Variants in SDK1 observed in about 807,000 individuals in gnomAD.
The protein encoded by SDK1 is sidekick cell adhesion molecule 1.
In SDK1, 157 loss-of-function variants were observed where a neutral mutation model predicts 245.5. That is an observed-to-expected ratio of 0.64 (90% CI 0.56 to 0.73). The LOEUF is 0.73. SDK1 is among the 30% of genes least tolerant of loss of function. SDK1 has a pLI of 0.00. For synonymous variants in SDK1, 1,647 were observed against 1,278.5 expected (o/e 1.29, Z -6.15); for missense variants, 3,583 against 3,002.3 (o/e 1.19, Z -4.52).
At position 3,687,956 on chromosome 7, in the gene SDK1, A is replaced by C. The variant is rs535343462; in HGVS notation, c.713+45851A>C. Among the ~76,000 whole-genome samples, 25 of 152,196 alleles carry C rather than the reference A, an allele frequency of 1.6e-4. No individual in the cohort carries two copies. The South Asian group carries it at 4.2e-3, about 25-fold the overall frequency. ...TTATCTCAAGAGCTTAGAGTAAGGG[A>C]ATGAGAGGAGAAACATGGCACCCTC... On this transcript the variant is annotated intron_variant, in intron 4 of 44. Coordinates refer to ENST00000404826, the MANE Select transcript of SDK1 (RefSeq NM_152744.4).
At chr7:3,651,938 G>A (rs1247365737) in intron 4 of SDK1, among the ~76,000 whole-genome samples, 3 of 152,080 alleles carry the variant, frequency 2.0e-5, no homozygotes, top group South Asian at 2.1e-4. Context: ...GAGACAGGAC[G>A]GTATTTTCAG....
intron 4 of SDK1, among the ~76,000 whole-genome samples, chr7:3,798,316 C>T (rs1239090127): frequency 6.8e-6 from 1 of 147,030 alleles, no homozygotes; most frequent in African/African-American, 2.5e-5. Context: ...CTCCTGGGTT[C>T]ACACCATTCT....
At chr7:3,776,996 C>T (rs966646035) in intron 4 of SDK1, among the ~76,000 whole-genome samples, 3 of 152,208 alleles carry the variant, frequency 2.0e-5, no homozygotes, top group African/African-American at 4.8e-5. Context: ...CACTTGCTCA[C>T]GTTCACCTCT....
intron 5 of SDK1, among the ~76,000 whole-genome samples, chr7:3,917,315 G>T (rs909959930): frequency 6.6e-6 from 1 of 152,186 alleles, no homozygotes; most frequent in Non-Finnish European, 1.5e-5. Flanking sequence ...TCTGTGTTCT[G>T]TTGGTAGTTA....
At chr7:4,261,034 G>A (rs1432324295) in intron 44 of SDK1, among the ~76,000 whole-genome samples, 1 of 152,154 alleles carries the variant, frequency 6.6e-6, no homozygotes, top group Non-Finnish European at 1.5e-5. Flanking sequence ...CCAAATCTGT[G>A]ACTCGCTGTT....
At chr7:3,319,401 C>T (rs1418172862) in intron 1 of SDK1, among the ~76,000 whole-genome samples, 2 of 152,158 alleles carry the variant, frequency 1.3e-5, no homozygotes, top group South Asian at 2.1e-4. Context: ...GGGCTTAGAC[C>T]GGTGGCCCTC....
rs1434968669 is a variant in SDK1, at chr7:3,505,004, C to G, written c.299-114076C>G. Among the ~76,000 whole-genome samples, 4 of 152,198 alleles carry G rather than the reference C, an allele frequency of 2.6e-5. 1 individual carries two copies. The East Asian group carries it at 7.7e-4, about 29-fold the overall frequency. On this transcript the variant is annotated intron_variant, in intron 1 of 44. Coordinates refer to ENST00000404826, the MANE Select transcript of SDK1 (RefSeq NM_152744.4). ...TCAGTAAACAAAATATATAAAATGC[C>G]CAGTGGTGATACAACTCCTGATGTT...
At chr7:3,748,450 T>C (rs148776478) in intron 4 of SDK1, among the ~76,000 whole-genome samples, 3 of 152,348 alleles carry the variant, frequency 2.0e-5, no homozygotes, top group African/African-American at 7.2e-5. Flanking sequence ...CTGAAAAATA[T>C]CCATTAAATG....
chr7:3,537,839 A>G (rs1160799440), intron 1 of SDK1, among the ~76,000 whole-genome samples: 1 of 152,194 alleles, frequency 6.6e-6, no homozygotes, highest in Admixed American at 6.5e-5. Context: ...GTGTTCAGGA[A>G]GCAGAGTTGG....
intron 4 of SDK1, among the ~76,000 whole-genome samples, chr7:3,781,056 T>C (rs1470022490): frequency 6.6e-6 from 1 of 151,772 alleles, no homozygotes; most frequent in Admixed American, 6.6e-5. Flanking sequence ...GTCACTCAAC[T>C]CAGTCAAAAG....
At chr7:3,303,140 TAACTCCTCCATTACTTGGAA>T (rs1779325758) in intron 1 of SDK1, among the ~76,000 whole-genome samples, 1 of 152,234 alleles carries the variant, frequency 6.6e-6, no homozygotes, top group South Asian at 2.1e-4. Context: ...CTGGTTAATT[TAACTCCTCCATTACTTGGAA>T]AATTTTCATT....
intron 1 of SDK1, among the ~76,000 whole-genome samples, chr7:3,503,955 A>C (rs1043631975): frequency 5.3e-5 from 8 of 151,796 alleles, no homozygotes; most frequent in Non-Finnish European, 1.0e-4. Context: ...TTTGAGACCA[A>C]CTTGACCAAC....
rs71552309 is a variant in SDK1, at chr7:3,485,683, G to GTTTTTT, written c.299-133380_299-133375dup. 3.9e-3 allele frequency among the ~76,000 whole-genome samples: 148 copies of GTTTTTT among 38,166 alleles called. 25 individuals are homozygous for GTTTTTT. The highest frequency in any genetic ancestry group is 0.042 in the Middle Eastern group (2 of 48). The allele number at this position is 38,166 out of a possible 152,430, so 25.0% of individuals were successfully genotyped here. ...GTGCTGAGGGGATGATCTTTGGAGG[G>GTTTTTT]TTTTTTTTTTTTTTTTTTTTTTGAG... On this transcript the variant is annotated intron_variant, in intron 1 of 44. Coordinates refer to ENST00000404826, the MANE Select transcript of SDK1 (RefSeq NM_152744.4).
At chr7:3,534,299 G>A (rs1408898347) in intron 1 of SDK1, among the ~76,000 whole-genome samples, 3 of 152,062 alleles carry the variant, frequency 2.0e-5, no homozygotes, top group Admixed American at 6.5e-5. Flanking sequence ...CTGTCACCAG[G>A]CATTTAGGTG....
intron 35 of SDK1, among the ~76,000 whole-genome samples, chr7:4,198,295 C>T (rs1446736600): frequency 2.0e-5 from 3 of 152,210 alleles, no homozygotes; most frequent in Non-Finnish European, 4.4e-5. Context: ...ACTGCCAGTT[C>T]CCACTGCACC....
chr7:4,135,517 A>G (rs1306731595), intron 28 of SDK1, among the ~76,000 whole-genome samples: 1 of 152,240 alleles, frequency 6.6e-6, no homozygotes, highest in African/African-American at 2.4e-5. Context: ...GATGGCACGA[A>G]CCTTGGGGCT....
intron 26 of SDK1, among the ~76,000 whole-genome samples, chr7:4,128,096 G>A (rs888399026): frequency 1.4e-4 from 22 of 152,068 alleles, no homozygotes; most frequent in Admixed American, 4.6e-4. Flanking sequence ...TCTGTTCCTC[G>A]TTCCATCACT....
At chr7:3,750,162 G>T (rs953851618) in intron 4 of SDK1, among the ~76,000 whole-genome samples, 1 of 152,236 alleles carries the variant, frequency 6.6e-6, no homozygotes, top group Non-Finnish European at 1.5e-5. Context: ...TCACTTCTTC[G>T]TATTTGTTTA....
chr7:4,160,855 G>T (rs186920425), intron 31 of SDK1, among the ~76,000 whole-genome samples: 5 of 152,192 alleles, frequency 3.3e-5, no homozygotes, highest in African/African-American at 1.2e-4. Context: ...GGCACTGCCA[G>T]GGCTGAGGAG....
Sources: gnomAD v4.1 joint callset for allele counts (sites outside exome capture counted in the v4.1 genomes callset) on GRCh38, gnomAD v4.1.1 for gene constraint, MANE v1.5 for transcripts, NCBI Gene and HGNC (gene_info 2026-07-23, HGNC 2026-07-21) for gene names.